PRDM9: variants seen among roughly 807,000 people sequenced by gnomAD.
The protein encoded by PRDM9 is PR/SET domain 9.
In PRDM9, 47 loss-of-function variants were observed where a neutral mutation model predicts 55.6. The ratio of observed to expected loss-of-function variants is 0.85; its 90% CI spans 0.67 to 1.08. PRDM9 has a LOEUF of 1.08. Ranked by LOEUF, PRDM9 falls within the 50% of genes least tolerant of loss-of-function variation. The pLI, the probability that PRDM9 is intolerant of heterozygous loss-of-function variation, is 0.00. For missense variants in PRDM9, 867 were observed against 1,040.3 expected, an observed-to-expected ratio of 0.83 and a Z score of 2.29; for synonymous variants, 312 against 375.7, an observed-to-expected ratio of 0.83 and a Z score of 1.96.
intron 4 of PRDM9, among the ~76,000 whole-genome samples, chr5:23,516,593 C>T (rs565225961): frequency 1.5e-4 from 23 of 151,652 alleles, no homozygotes; most frequent in Admixed American, 2.6e-4. Flanking sequence ...AGGATGGTCT[C>T]GATCTCCTGA....
intron 2 of PRDM9, 91 bp from the exon 3 acceptor site, chr5:23,509,379 C>T: frequency 6.3e-7 from 1 of 1,598,434 alleles, no homozygotes; most frequent in African/African-American, 1.3e-5. Context: ...CTCCCAGAGG[C>T]CCCAGGCTAT....
intron 1 of PRDM9, among the ~76,000 whole-genome samples, chr5:23,508,688 G>A (rs1248167670): frequency 6.6e-6 from 1 of 152,074 alleles, no homozygotes; most frequent in Non-Finnish European, 1.5e-5. Flanking sequence ...AACCCTCCAG[G>A]CACCTGTGCC....
rs1436866518 is a variant in PRDM9, at chr5:23,527,475, G to C, written c.2387G>C (p.Arg796Thr). 6.3e-7 allele frequency: 1 copy of C among 1,587,140 alleles called. No individual in the cohort carries two copies. Among genetic ancestry groups the C allele is most frequent in the Admixed American group, 1.8e-5 (1 of 57,042 alleles). ...AAGTCAAACCTCCTCAGTCACCAGAGGACACACACAGGGGAGAAGCCCTAT... is the reference window on the plus strand; with the variant it reads ...AAGTCAAACCTCCTCAGTCACCAGACGACACACACAGGGGAGAAGCCCTAT... ...RDKSNLLSHQ[R>T]THTGEKPYVC... is the part of the protein sequence containing the mutation. Residue 796 changes from arginine to threonine, a missense_variant, in exon 11 of 11, where the codon AGG becomes ACG. By Grantham distance (71) the Arg-to-Thr change is moderately conservative. Transcript: ENST00000296682.
At position 23,526,370 on chromosome 5, in the gene PRDM9, G is replaced by T; in HGVS notation, c.1282G>T (p.Glu428Ter). 1 of 1,614,160 alleles carries T rather than the reference G, an allele frequency of 6.2e-7. No homozygotes were observed. The highest frequency in any genetic ancestry group is 1.1e-5 in the South Asian group (1 of 91,080). ...GPSARKLLQP[E>*]NPCPGDQNQE... ...ATCTGCAAGAAAACTCCTCCAACCAGAGAATCCCTGCCCAGGGGATCAGAA... is the reference window on the plus strand; with the variant it reads ...ATCTGCAAGAAAACTCCTCCAACCATAGAATCCCTGCCCAGGGGATCAGAA... The change falls in exon 11 of 11, where the codon GAG becomes TAG. Residue 428 changes from glutamate to a stop codon, truncating the protein, a stop_gained. Transcript: ENST00000296682. LOFTEE classifies it low-confidence loss of function (END_TRUNC).
chr5:23,509,430 G>A, intron 2 of PRDM9, 40 bp from the exon 3 acceptor site: 1 of 1,613,974 alleles, frequency 6.2e-7, no homozygotes. Context: ...AGCTTGATGT[G>A]TACTAGTAAA....
intron 6 of PRDM9, 122 bp from the exon 7 acceptor site, chr5:23,522,182 G>A: frequency 1.2e-6 from 1 of 859,002 alleles, no homozygotes; most frequent in South Asian, 1.3e-5. Flanking sequence ...AGTTAAAGAG[G>A]GGGACACTAG....
chr5:23,511,546 A>G (rs539612881), intron 4 of PRDM9, among the ~76,000 whole-genome samples: 1 of 152,182 alleles, frequency 6.6e-6, no homozygotes, highest in East Asian at 1.9e-4. Context: ...GGGTTTTGCC[A>G]TATTAGCCAG....
intron 5 of PRDM9, among the ~76,000 whole-genome samples, chr5:23,519,349 T>G (rs1739281925): frequency 1.3e-5 from 2 of 152,080 alleles, no homozygotes; most frequent in South Asian, 4.2e-4. Context: ...TGTGAGCCAT[T>G]GCACCCAGTC....
At chr5:23,517,132 G>A (rs1164841064) in intron 4 of PRDM9, among the ~76,000 whole-genome samples, 28 of 138,766 alleles carry the variant, frequency 2.0e-4, no homozygotes, top group African/African-American at 7.0e-4. Context: ...CAGCCTGGGC[G>A]ACAGAGCGAG....
At chr5:23,522,990 G>A in intron 8 of PRDM9, 105 bp downstream of exon 8, 1 of 1,579,084 alleles carries the variant, frequency 6.3e-7, no homozygotes, top group South Asian at 1.1e-5. Context: ...AGGATAACAT[G>A]GTTAGCTCTG....
In PRDM9 at chr5:23,526,244, G is replaced by C; in HGVS notation, c.1156G>C (p.Glu386Gln). The change falls in exon 11 of 11, where the codon GAG becomes CAG. Residue 386 changes from glutamate to glutamine, a missense_variant. Physicochemically the swap from Glu to Gln is conservative, Grantham distance 29. This residue lies in a region of PRDM9 where 662 missense variants were observed against 711.9 expected (regional missense o/e 0.93). Coordinates refer to ENST00000296682, the MANE Select transcript of PRDM9 (RefSeq NM_020227.4). ...ACTTCCTCTTTCAGAACCAAAGCCA[G>C]AGATCCATCCATGTCCCTCATGCTG... The part of the protein sequence containing the change: ...ELMAGREPKP[E>Q]IHPCPSCCLA... 6.2e-7 allele frequency: 1 copy of C among 1,614,166 alleles called. No individual in the cohort carries two copies. Among genetic ancestry groups the C allele is most frequent in the Non-Finnish European group, 8.5e-7 (1 of 1,180,024 alleles).
rs761346163 is a variant in PRDM9 at position 23,526,598 on chromosome 5, G to A, written c.1510G>A (p.Val504Met). The change falls in exon 11 of 11, where the codon GTG (valine) becomes ATG (methionine). Residue 504 changes from valine (V) to methionine (M), a missense_variant. Transcript: ENST00000296682. ...AGAAGAGTCCAGAACAGGCCAGAAA[G>A]TGAATCCAGGGAACACAGGCAAATT... Reference protein sequence around the residue: ...MEEESRTGQKVNPGNTGKLFV... With the variant: ...MEEESRTGQKMNPGNTGKLFV... The A allele has an allele frequency of 6.8e-6, 11 of 1,614,254 alleles. 1 individual carries two copies. In the South Asian group the frequency reaches 1.1e-4, roughly 16 times the overall value.
At position 23,523,329 on chromosome 5, in the gene PRDM9, A is replaced by C. The variant is rs1291799818; in HGVS notation, c.921A>C (p.Gly307=). Residue 307 remains glycine (G), a synonymous_variant, in exon 9 of 11, where the codon GGA becomes GGC. Coordinates refer to ENST00000296682, the MANE Select transcript of PRDM9 (RefSeq NM_020227.4). ...KGRNCYEYVD[G]KDKSWANWMR... is the part of the protein sequence containing the mutation. ...GAAACTGCTATGAGTATGTGGATGGAAAAGATAAATCCTGGGCCAACTGGA... is the reference window on the plus strand; with the variant it reads ...GAAACTGCTATGAGTATGTGGATGGCAAAGATAAATCCTGGGCCAACTGGA... The C allele has an allele frequency of 2.3e-5, 37 of 1,613,920 alleles. No individual in the cohort carries two copies. The highest frequency in any genetic ancestry group is 3.1e-5 in the Non-Finnish European group (37 of 1,179,922).
At chr5:23,508,865 C>T (rs1739033166) in intron 1 of PRDM9, 85 bp from the exon 2 acceptor site, 1 of 756,032 alleles carries the variant, frequency 1.3e-6, no homozygotes, top group Admixed American at 2.5e-5. Flanking sequence ...CTGCTCTGAA[C>T]ACCCAGCCAG....
chr5:23,522,672 A>G lies in PRDM9; in HGVS notation c.669A>G (p.Thr223=). ...GCTGTGCTGCCCATGGGCCCCCTACATTTGTAAAGGACAGTGCAGTGGACA... is the reference window on the plus strand; with the variant it reads ...GCTGTGCTGCCCATGGGCCCCCTACGTTTGTAAAGGACAGTGCAGTGGACA... The part of the protein sequence containing the change: ...IDSCAAHGPP[T]FVKDSAVDKG... The change falls in exon 8 of 11, where the codon ACA becomes ACG. Residue 223 remains threonine (T), a synonymous_variant. Transcript: ENST00000296682. The G allele has an allele frequency of 1.9e-6, 3 of 1,614,122 alleles. No homozygotes were observed. The highest frequency in any genetic ancestry group is 2.2e-5 in the East Asian group (1 of 44,856).
Position 23,528,007 on chromosome 5 carries a change from T to A in PRDM9, c.*234T>A. ...AGTGTTCGGGGGACATCAGCATGTGTGGTTCTTTCCCGCACTGATCCCCTC... is the reference window on the plus strand; with the variant it reads ...AGTGTTCGGGGGACATCAGCATGTGAGGTTCTTTCCCGCACTGATCCCCTC... On this transcript the variant is annotated 3_prime_UTR_variant, in exon 11 of 11. Transcript: ENST00000296682. 1 of 656,634 alleles carries A rather than the reference T, an allele frequency of 1.5e-6. No individual in the cohort carries two copies. The highest frequency in any genetic ancestry group is 2.6e-6 in the Non-Finnish European group (1 of 384,194). The allele number at this position is 656,634 out of a possible 1,614,324, so 40.7% of individuals were successfully genotyped here.
At position 23,509,552 on chromosome 5, in the gene PRDM9, A is replaced by G. The variant is rs201417580; in HGVS notation, c.152A>G (p.Tyr51Cys). The G allele has an allele frequency of 7.4e-6, 12 of 1,614,072 alleles. No individual in the cohort carries two copies. Among genetic ancestry groups the G allele is most frequent in the Admixed American group, 6.7e-5 (4 of 60,004 alleles). Residue 51 changes from tyrosine to cysteine, a missense_variant, in exon 3 of 11, where the codon TAT (tyrosine) becomes TGT (cysteine). By Grantham distance (194) the Tyr-to-Cys change is radical. Coordinates refer to ENST00000296682, the MANE Select transcript of PRDM9 (RefSeq NM_020227.4). ...AEMGDWEKTR[Y>C]RNVKRNYNAL... The stretch of plus-strand genomic sequence containing the variant: ...ATGGGAGACTGGGAGAAAACTCGCT[A>G]TAGGAATGTGAAAAGGAACTATAAT...
chr5:23,524,622 T>A lies in PRDM9; in HGVS notation c.1144+95T>A, dbSNP rs569677878. On this transcript the variant is annotated intron_variant, in intron 10 of 10. Coordinates refer to ENST00000296682, the MANE Select transcript of PRDM9 (RefSeq NM_020227.4). ...AACTCTTAAGTACAGTAAAATGCCA[T>A]CTAAAGTCAGTAAGATTTCAAATCA... The A allele has an allele frequency of 3.7e-5, 57 of 1,556,228 alleles. No individual in the cohort carries two copies. The East Asian group carries it at 4.3e-4, about 12-fold the overall frequency.
chr5:23,509,321 TG>T, intron 2 of PRDM9, 148 bp from the exon 3 acceptor site: 1 of 1,459,104 alleles, frequency 6.9e-7, no homozygotes, highest in Non-Finnish European at 9.6e-7. Flanking sequence ...CTCAGTTAAA[TG>T]GGACACAGTC....
Sources: allele counts gnomAD v4.1 joint callset (sites outside exome capture counted in the v4.1 genomes callset), GRCh38; gene constraint gnomAD v4.1.1; regional missense constraint gnomAD v4.1.1; transcripts MANE v1.5; gene names NCBI Gene and HGNC (gene_info 2026-07-23, HGNC 2026-07-21).